Variants in CBLB observed in about 807,000 individuals in gnomAD.
CBLB encodes the protein E3 ubiquitin-protein ligase CBL-B.
A neutral mutation model predicts 104.9 loss-of-function variants in CBLB; 31 were observed. The ratio of observed to expected loss-of-function variants is 0.30; its 90% confidence interval spans 0.22 to 0.40. CBLB has a LOEUF of 0.40. Among genes scored for constraint, CBLB ranks in the 10% least tolerant of loss-of-function variants. The probability of loss-of-function intolerance (pLI) is 1.00; values close to 1 mark genes in which losing one functional copy is unlikely to be tolerated. For missense variants in CBLB, 1,062 were observed against 1,214.6 expected, an observed-to-expected ratio of 0.87 and a Z score of 1.87; for synonymous variants, 440 against 422.6, an observed-to-expected ratio of 1.04 and a Z score of -0.51.
At chr3:105,725,353 A>G (rs931444928) in intron 9 of CBLB, among the ~76,000 whole-genome samples, 3 of 152,218 alleles carry the variant, frequency 2.0e-5, no homozygotes, top group African/African-American at 7.2e-5. Flanking sequence ...TCTACATTCT[A>G]AACACTTTTT....
intron 9 of CBLB, among the ~76,000 whole-genome samples, chr3:105,730,729 A>C (rs536746501): frequency 1.3e-5 from 2 of 152,136 alleles, no homozygotes; most frequent in Non-Finnish European, 2.9e-5. Context: ...AAAGGTTTGC[A>C]TATTTTTCAT....
chr3:105,740,761 T>C (rs933462322), intron 6 of CBLB, 130 bp from the exon 7 acceptor site: 6 of 777,476 alleles, frequency 7.7e-6, no homozygotes, highest in Non-Finnish European at 1.3e-5. Context: ...TCATATTCTG[T>C]CTTCTAACTT....
chr3:105,839,329 T>C (rs912353897), intron 3 of CBLB: 20 of 152,210 alleles, frequency 1.3e-4, no homozygotes, highest in Admixed American at 5.9e-4. Flanking sequence ...CTAAATTTAT[T>C]ATGTTTTAAA....
chr3:105,802,577 A>G (rs1315128207), intron 3 of CBLB, among the ~76,000 whole-genome samples: 1 of 152,214 alleles, frequency 6.6e-6, no homozygotes, highest in Non-Finnish European at 1.5e-5. Context: ...ACACCAATAC[A>G]TGACAAAAAT....
chr3:105,673,938 C>T (rs1388392957), intron 17 of CBLB: 1 of 152,210 alleles, frequency 6.6e-6, no homozygotes, highest in African/African-American at 2.4e-5. Flanking sequence ...TTTACTTTAT[C>T]ATCCTGGTTG....
At chr3:105,838,800 C>T (rs1235687961) in intron 3 of CBLB, among the ~76,000 whole-genome samples, 1 of 151,946 alleles carries the variant, frequency 6.6e-6, no homozygotes, top group East Asian at 1.9e-4. Flanking sequence ...CCACCACACC[C>T]AGCTAATTTT....
chr3:105,671,757 C>T (rs2065084540), intron 17 of CBLB: 1 of 199,930 alleles, frequency 5.0e-6, no homozygotes, highest in African/African-American at 2.3e-5. Flanking sequence ...TTATCACCAG[C>T]TTTGCTGAGG....
intron 3 of CBLB, among the ~76,000 whole-genome samples, chr3:105,786,628 A>AGT (rs2081061741): frequency 1.3e-5 from 2 of 152,222 alleles, no homozygotes; most frequent in African/African-American, 2.4e-5. Context: ...CTAATTTCAT[A>AGT]TCTTTAAAAT....
chr3:105,868,995 G>C lies in CBLB; in HGVS notation c.-274C>G. On this transcript the variant is annotated 5_prime_UTR_variant, in exon 1 of 19. Coordinates refer to ENST00000394030, the MANE Select transcript of CBLB (RefSeq NM_170662.5). ...CGCCGCAGCAGCACTAGCAGGAGGAGGAGACCGCTCGCTGGACACCCCACC... is the reference window on the plus strand; with the variant it reads ...CGCCGCAGCAGCACTAGCAGGAGGACGAGACCGCTCGCTGGACACCCCACC... The C allele has an allele frequency of 9.5e-7, 1 of 1,058,028 alleles. No homozygotes were observed. The highest frequency in any genetic ancestry group is 2.7e-5 in the South Asian group (1 of 36,966). 65.5% of individuals were successfully genotyped at this position (1,058,028 alleles called of 1,614,324 possible). A position where few individuals can be genotyped will look rare whatever the true frequency, so the allele number is the denominator to read the frequency against.
At chr3:105,661,558 G>C (rs1272868858) in intron 18 of CBLB, among the ~76,000 whole-genome samples, 1 of 152,148 alleles carries the variant, frequency 6.6e-6, no homozygotes, top group Non-Finnish European at 1.5e-5. Context: ...TTTTCTACGG[G>C]TAATTTTCTA....
Position 105,713,596 on chromosome 3 carries a change from A to G in CBLB, c.1407+6451T>C, listed in dbSNP as rs2071413355. On this transcript the variant is annotated intron_variant, in intron 10 of 18. Transcript: ENST00000394030. ...AGTTATTTTTGAGAAATAAGTAACA[A>G]TGTCTTCAAGGTATCCTACGACATC... 3.3e-5 allele frequency among the ~76,000 whole-genome samples: 5 copies of G among 152,220 alleles called. 1 individual carries two copies. The South Asian group carries it at 1.0e-3, about 31-fold the overall frequency.
chr3:105,808,005 A>C (rs1438670369), intron 3 of CBLB, among the ~76,000 whole-genome samples: 3 of 152,216 alleles, frequency 2.0e-5, no homozygotes, highest in Non-Finnish European at 4.4e-5. Context: ...ATAAAATTAG[A>C]AAACAAGCCA....
At chr3:105,667,626 T>A (rs2064616401) in intron 18 of CBLB, among the ~76,000 whole-genome samples, 1 of 152,166 alleles carries the variant, frequency 6.6e-6, no homozygotes, top group Admixed American at 6.5e-5. Context: ...GGAATAAACA[T>A]TTAGAAGGCT....
rs372859058 is a variant in CBLB, at chr3:105,659,189, C to T, written c.2730G>A (p.Pro910=). 3.6e-5 allele frequency: 58 copies of T among 1,613,764 alleles called. No individual in the cohort carries two copies. Among genetic ancestry groups the T allele is most frequent in the African/African-American group, 6.7e-5 (5 of 74,870 alleles). ...GGTGAATTTCTGGTGCAGTCCTGCGCGGTCGTGGTTTAGGGGGTCTGGCTG... is the reference window on the plus strand; with the variant it reads ...GGTGAATTTCTGGTGCAGTCCTGCGTGGTCGTGGTTTAGGGGGTCTGGCTG... The part of the protein sequence containing the change: ...QAPARPPKPR[P]RRTAPEIHHR... Residue 910 remains proline, a synonymous_variant, in exon 19 of 19, where the codon CCG becomes CCA. Transcript: ENST00000394030.
intron 8 of CBLB, 45 bp from the exon 9 acceptor site, chr3:105,734,185 A>T: frequency 6.2e-7 from 1 of 1,603,004 alleles, no homozygotes; most frequent in Non-Finnish European, 8.5e-7. Flanking sequence ...ATGTATTTCC[A>T]GCACAAATTG....
intron 3 of CBLB, among the ~76,000 whole-genome samples, chr3:105,781,395 G>A (rs2080236343): frequency 1.3e-5 from 2 of 152,074 alleles, no homozygotes; most frequent in African/African-American, 2.4e-5. Flanking sequence ...AAGCACAAAG[G>A]AAGCATATAA....
chr3:105,861,448 C>G (rs181648260), intron 2 of CBLB, among the ~76,000 whole-genome samples: 9 of 152,164 alleles, frequency 5.9e-5, no homozygotes, highest in Admixed American at 3.3e-4. Context: ...TCCCTCAAAA[C>G]TTCTCTGTAT....
intron 3 of CBLB, among the ~76,000 whole-genome samples, chr3:105,801,248 T>C (rs1252256109): frequency 6.6e-6 from 1 of 152,214 alleles, no homozygotes; most frequent in Non-Finnish European, 1.5e-5. Flanking sequence ...AAATGGTCTA[T>C]AACTTTAATA....
intron 18 of CBLB, among the ~76,000 whole-genome samples, chr3:105,665,692 T>C (rs991650022): frequency 6.7e-6 from 1 of 148,430 alleles, no homozygotes; most frequent in Admixed American, 6.8e-5. Flanking sequence ...ACTGCATAAC[T>C]ATATAAATAC....
Sources: allele counts gnomAD v4.1 joint callset (sites outside exome capture counted in the v4.1 genomes callset), GRCh38; gene constraint gnomAD v4.1.1; transcripts MANE v1.5; gene names NCBI Gene and HGNC (gene_info 2026-07-23, HGNC 2026-07-21).